PCNX1: variants seen among roughly 807,000 people sequenced by gnomAD.
PCNX1 encodes the protein pecanex 1.
In PCNX1, 78 loss-of-function variants were observed where a neutral mutation model predicts 242.2. That is an observed-to-expected ratio of 0.32 (90% confidence interval 0.27 to 0.39). PCNX1 has a LOEUF of 0.39. Among genes scored for constraint, PCNX1 ranks in the 10% least tolerant of loss-of-function variants. PCNX1 has a pLI of 1.00. For missense variants in PCNX1, 2,581 were observed against 2,856.5 expected, an observed-to-expected ratio of 0.90 and a Z score of 2.20; for synonymous variants, 1,024 against 1,032.9, an observed-to-expected ratio of 0.99 and a Z score of 0.17.
At chr14:70,964,602 A>G (rs370414540) in intron 3 of PCNX1, among the ~76,000 whole-genome samples, 2 of 152,142 alleles carry the variant, frequency 1.3e-5, no homozygotes, top group African/African-American at 2.4e-5. Flanking sequence ...CATTTCTCCA[A>G]TCATCTTTTG....
chr14:71,076,609 CT>C (rs1419323903), intron 28 of PCNX1, among the ~76,000 whole-genome samples, 190 bp downstream of exon 28: 1 of 152,154 alleles, frequency 6.6e-6, no homozygotes, highest in Non-Finnish European at 1.5e-5. Flanking sequence ...AGGAAGTGGC[CT>C]CCCTCTTTCT....
intron 2 of PCNX1, among the ~76,000 whole-genome samples, chr14:70,949,476 A>G (rs1329980800): frequency 1.3e-5 from 2 of 151,950 alleles, no homozygotes; most frequent in Non-Finnish European, 2.9e-5. Flanking sequence ...ATGTGTATAT[A>G]TATACACACA....
chr14:70,917,145 T>C (rs1350438027), intron 1 of PCNX1, among the ~76,000 whole-genome samples: 3 of 152,204 alleles, frequency 2.0e-5, no homozygotes, highest in African/African-American at 7.2e-5. Flanking sequence ...TTTCACCACA[T>C]CTGTGGGATT....
intron 31 of PCNX1, 38 bp downstream of exon 31, chr14:71,102,258 A>T: frequency 6.7e-7 from 1 of 1,500,268 alleles, no homozygotes; most frequent in South Asian, 1.2e-5. Flanking sequence ...CAAAACATAG[A>T]AGTTGAATAA....
At chr14:70,998,450 A>G (rs1274310365) in intron 8 of PCNX1, among the ~76,000 whole-genome samples, 1 of 152,022 alleles carries the variant, frequency 6.6e-6, no homozygotes, top group Non-Finnish European at 1.5e-5. Context: ...AAGTGGCTTA[A>G]TTTAAAAGGA....
At position 70,953,123 on chromosome 14, in the gene PCNX1, A is replaced by T. The variant is rs967658793; in HGVS notation, c.362+6000A>T. Among the ~76,000 whole-genome samples, 7 of 152,008 alleles carry T rather than the reference A, an allele frequency of 4.6e-5. 1 individual carries two copies. The highest frequency in any genetic ancestry group is 1.7e-4 in the African/African-American group (7 of 41,356). ...TCTTTACAAAAAATAAAAAATAAAA[A>T]AAAATTTTAGCTAGGTATGGTGGTG... is the stretch of plus-strand genomic sequence containing the variant. On this transcript the variant is annotated intron_variant, in intron 2 of 35. Coordinates refer to ENST00000304743, the MANE Select transcript of PCNX1 (RefSeq NM_014982.3).
At chr14:71,067,964 G>C (rs1244844223) in intron 26 of PCNX1, among the ~76,000 whole-genome samples, 1 of 151,896 alleles carries the variant, frequency 6.6e-6, no homozygotes, top group Admixed American at 6.6e-5. Flanking sequence ...CTAATTAGTT[G>C]TAGCACATGG....
intron 16 of PCNX1, chr14:71,031,928 G>A: frequency 1.4e-6 from 2 of 1,429,692 alleles, no homozygotes; most frequent in East Asian, 2.3e-5. Context: ...TGGTACCACA[G>A]GCGGAACTCC....
At chr14:71,046,842 G>A (rs2060874765) in intron 20 of PCNX1, 122 bp from the exon 21 acceptor site, 4 of 666,324 alleles carry the variant, frequency 6.0e-6, no homozygotes, top group Admixed American at 3.2e-5. Flanking sequence ...TAAAGTACTG[G>A]CTTTTTAAAA....
intron 34 of PCNX1, 144 bp from the exon 35 acceptor site, chr14:71,109,308 A>C (rs557101842): frequency 1.1e-5 from 9 of 806,464 alleles, no homozygotes; most frequent in African/African-American, 3.5e-5. Context: ...AGAATTCAAG[A>C]TGTAGCTCTT....
chr14:70,910,189 C>CTCCTCCTCCTCCTCCTCG (rs1566808869), intron 1 of PCNX1, among the ~76,000 whole-genome samples: 1 of 39,638 alleles, frequency 2.5e-5, no homozygotes, highest in Non-Finnish European at 5.6e-5. Context: ...CCTCCTCCTC[C>CTCCTCCTCCTCCTCCTCG]TCCTCCTCCT....
At chr14:70,995,965 T>C (rs781441865) in intron 8 of PCNX1, 40 bp downstream of exon 8, 27 of 1,461,240 alleles carry the variant, frequency 1.8e-5, no homozygotes, top group Admixed American at 6.7e-5. Context: ...ACAAAAACTT[T>C]AATGCAGCAG....
rs2062794076 is a variant in PCNX1, at chr14:71,113,513, C to G, written c.*3578C>G. The G allele has an allele frequency of 6.6e-6, 1 of 152,602 alleles. No homozygotes were observed. Among genetic ancestry groups the G allele is most frequent in the Admixed American group, 6.5e-5 (1 of 15,280 alleles). 9.5% of individuals were successfully genotyped at this position (152,602 alleles called of 1,614,324 possible). ...TTTTTCAGCAAGTTTAGCTTATAGC[C>G]TTGATAAATTCCTCTGTGCTTCTGA... is the stretch of plus-strand genomic sequence containing the variant. On this transcript the variant is annotated 3_prime_UTR_variant, in exon 36 of 36. Coordinates refer to ENST00000304743, the MANE Select transcript of PCNX1 (RefSeq NM_014982.3).
At chr14:71,054,793 T>C (rs1566753997) in intron 24 of PCNX1, among the ~76,000 whole-genome samples, 1 of 152,230 alleles carries the variant, frequency 6.6e-6, no homozygotes, top group Admixed American at 6.5e-5. Context: ...AAAAGGCCTT[T>C]ACTGTGAGTT....
chr14:70,974,302 G>C (rs2058630563), intron 5 of PCNX1, among the ~76,000 whole-genome samples: 1 of 147,118 alleles, frequency 6.8e-6, no homozygotes, highest in Non-Finnish European at 1.5e-5. Flanking sequence ...GGAGTGTGCA[G>C]TGGTGTATTT....
chr14:71,059,131 G>A (rs976263150), intron 26 of PCNX1, among the ~76,000 whole-genome samples: 7 of 152,098 alleles, frequency 4.6e-5, no homozygotes, highest in African/African-American at 1.7e-4. Context: ...TGAAATGAAA[G>A]GGGGGGTGGT....
chr14:71,024,303 A>G (rs2060181394), intron 13 of PCNX1, among the ~76,000 whole-genome samples: 1 of 152,222 alleles, frequency 6.6e-6, no homozygotes, highest in South Asian at 2.1e-4. Flanking sequence ...TCTAATATAT[A>G]GATCTTATTC....
At chr14:71,040,986 T>G (rs1482219227) in intron 19 of PCNX1, among the ~76,000 whole-genome samples, 1 of 152,188 alleles carries the variant, frequency 6.6e-6, no homozygotes, top group East Asian at 1.9e-4. Flanking sequence ...ATCCATGGTA[T>G]AGCAAATGAC....
rs141474276 is a variant in PCNX1 at position 70,957,795 on chromosome 14, CAT to C, written c.363-4428_363-4427del. 2.5e-3 allele frequency among the ~76,000 whole-genome samples: 382 copies of C among 151,654 alleles called. 1 individual carries two copies. The highest frequency in any genetic ancestry group is 7.4e-3 in the African/African-American group (305 of 41,382). ...GTGAATCATATTTCAATAAAGTTGA[CAT>C]ATGTGTATGTATATGTGTGTGTGTA... On this transcript the variant is annotated intron_variant, in intron 2 of 35. Coordinates refer to ENST00000304743, the MANE Select transcript of PCNX1 (RefSeq NM_014982.3).
Sources: allele counts gnomAD v4.1 joint callset (sites outside exome capture counted in the v4.1 genomes callset), GRCh38; gene constraint gnomAD v4.1.1; transcripts MANE v1.5; gene names NCBI Gene and HGNC (gene_info 2026-07-23, HGNC 2026-07-21).